The following BMAL1 variants were observed in gnomAD, a reference collection of about 807,000 sequenced individuals.
The protein encoded by BMAL1 is basic helix-loop-helix ARNT like 1.
the BMAL1 span, among the ~76,000 whole-genome samples, chr11:13,282,820 C>T: frequency 6.6e-6 from 1 of 152,204 alleles, no homozygotes; most frequent in Non-Finnish European, 1.5e-5. Flanking sequence ...AAATGACAGG[C>T]ACAGGGAGCC....
At chr11:13,369,865 G>A in the BMAL1 span, 2 of 1,476,196 alleles carry the variant, frequency 1.4e-6, no homozygotes, top group Non-Finnish European at 1.8e-6. Flanking sequence ...TTTCTGGCTG[G>A]CCAGAGTGGC....
chr11:13,290,144 CA>C, the BMAL1 span, among the ~76,000 whole-genome samples: 1 of 152,212 alleles, frequency 6.6e-6, no homozygotes, highest in Non-Finnish European at 1.5e-5. Flanking sequence ...TGATGATGAG[CA>C]TTTTTTTCAT....
At chr11:13,360,540 C>T in the BMAL1 span, 10 of 822,792 alleles carry the variant, frequency 1.2e-5, no homozygotes, top group African/African-American at 1.0e-4. Context: ...GGCCTGCTTC[C>T]TCTCTCAGGT....
chr11:13,284,253 T>C, the BMAL1 span, among the ~76,000 whole-genome samples: 19 of 32,240 alleles, frequency 5.9e-4, 1 homozygote, highest in African/African-American at 9.1e-4. Flanking sequence ...TATATATATA[T>C]ATATATATAT....
chr11:13,365,529 A>G, the BMAL1 span: 1 of 1,613,722 alleles, frequency 6.2e-7, no homozygotes, highest in Non-Finnish European at 8.5e-7. Flanking sequence ...TTGTCGTAGG[A>G]TGTGACCGAG....
At chr11:13,300,171 A>G in the BMAL1 span, among the ~76,000 whole-genome samples, 1 of 152,196 alleles carries the variant, frequency 6.6e-6, no homozygotes, top group Non-Finnish European at 1.5e-5. Context: ...ATGGCCATCT[A>G]AAATGGCCGT....
At chr11:13,350,568 CAG>C in the BMAL1 span, among the ~76,000 whole-genome samples, 8 of 152,076 alleles carry the variant, frequency 5.3e-5, no homozygotes, top group African/African-American at 1.9e-4. Flanking sequence ...ATCAGAGGAA[CAG>C]AGTAGAGAGT....
At chr11:13,282,795 A>G in the BMAL1 span, among the ~76,000 whole-genome samples, 1 of 152,334 alleles carries the variant, frequency 6.6e-6, no homozygotes, top group Admixed American at 6.5e-5. Context: ...GGAGAAGTTT[A>G]TCTTGCTTTT....
the BMAL1 span, among the ~76,000 whole-genome samples, chr11:13,377,681 C>T: frequency 6.6e-6 from 1 of 152,192 alleles, no homozygotes; most frequent in African/African-American, 2.4e-5. Context: ...GTACGGCATC[C>T]AAGAGGCCCC....
At chr11:13,305,448 T>C in the BMAL1 span, among the ~76,000 whole-genome samples, 1 of 152,262 alleles carries the variant, frequency 6.6e-6, no homozygotes, top group Non-Finnish European at 1.5e-5. Context: ...TGTTTTTATG[T>C]TGTATCTTGC....
the BMAL1 span, among the ~76,000 whole-genome samples, chr11:13,351,496 C>T: frequency 6.6e-6 from 1 of 152,080 alleles, no homozygotes; most frequent in Non-Finnish European, 1.5e-5. Flanking sequence ...GACATCTAGG[C>T]TGGAGATATA....
the BMAL1 span, among the ~76,000 whole-genome samples, chr11:13,383,269 C>T: frequency 2.0e-5 from 3 of 152,146 alleles, no homozygotes; most frequent in Admixed American, 1.3e-4. Context: ...TCAGATAAAG[C>T]AGCAGTTCTA....
the BMAL1 span, among the ~76,000 whole-genome samples, chr11:13,384,663 G>A: frequency 1.3e-5 from 2 of 152,078 alleles, no homozygotes; most frequent in African/African-American, 2.4e-5. Context: ...TAGACTGAAT[G>A]GAAAAACATA....
chr11:13,374,774 A>G, the BMAL1 span, among the ~76,000 whole-genome samples: 5 of 152,060 alleles, frequency 3.3e-5, no homozygotes, highest in Admixed American at 1.3e-4. Flanking sequence ...TAGTTATCCT[A>G]TTTATCCCCA....
the BMAL1 span, among the ~76,000 whole-genome samples, chr11:13,369,456 C>T: frequency 6.6e-6 from 1 of 152,186 alleles, no homozygotes; most frequent in African/African-American, 2.4e-5. Context: ...ACACACCTGT[C>T]CATGCTGCAT....
the BMAL1 span, among the ~76,000 whole-genome samples, chr11:13,325,565 C>T: frequency 4.0e-5 from 6 of 151,658 alleles, no homozygotes; most frequent in East Asian, 1.9e-4. Flanking sequence ...GAGCCTTTGC[C>T]GTCCTTGGGT....
chr11:13,379,248 C>G, the BMAL1 span: 2 of 152,200 alleles, frequency 1.3e-5, no homozygotes, highest in Non-Finnish European at 2.9e-5. Flanking sequence ...TATCATAAGT[C>G]TGTCCAAATT....
chr11:13,320,943 A>C, the BMAL1 span, among the ~76,000 whole-genome samples: 2 of 152,230 alleles, frequency 1.3e-5, no homozygotes, highest in African/African-American at 4.8e-5. Flanking sequence ...TCGACAGAGA[A>C]GATAGACCAT....
At chr11:13,333,099 T>C in the BMAL1 span, among the ~76,000 whole-genome samples, 3 of 152,020 alleles carry the variant, frequency 2.0e-5, no homozygotes, top group African/African-American at 7.2e-5. Flanking sequence ...CCCAAGTAGC[T>C]GGGATTACAG....
Sources: gnomAD v4.1 joint callset for allele counts (sites outside exome capture counted in the v4.1 genomes callset) on GRCh38, gnomAD v4.1.1 for gene constraint, MANE v1.5 for transcripts, NCBI Gene and HGNC (gene_info 2026-07-23, HGNC 2026-07-21) for gene names.